The following SHISA9 variants were observed in gnomAD, a reference collection of about 807,000 sequenced individuals.
SHISA9 encodes shisa family member 9, also known as protein shisa-9.
In SHISA9, 13 loss-of-function variants were observed where a neutral mutation model predicts 38.0. The ratio of observed to expected loss-of-function variants is 0.34; its 90% CI spans 0.22 to 0.54. The LOEUF is 0.54. Ranked by LOEUF, SHISA9 falls within the 20% of genes least tolerant of loss-of-function variation. The pLI is 0.91. For missense variants in SHISA9, 538 were observed against 575.8 expected (o/e 0.93, Z 0.67); for synonymous variants, 275 against 242.0 (o/e 1.14, Z -1.27).
the SHISA9 span, among the ~76,000 whole-genome samples, chr16:13,359,965 G>A: frequency 1.3e-5 from 2 of 152,160 alleles, no homozygotes; most frequent in Non-Finnish European, 2.9e-5. Context: ...TTTCATCTGT[G>A]CATGCCCCAC....
chr16:12,951,478 A>G (rs1387555467), intron 2 of SHISA9, among the ~76,000 whole-genome samples: 2 of 152,098 alleles, frequency 1.3e-5, no homozygotes, highest in South Asian at 2.1e-4. Flanking sequence ...AATATATACA[A>G]ATAGGCATGG....
At chr16:12,912,032 G>C (rs1336009220) in intron 1 of SHISA9, among the ~76,000 whole-genome samples, 1 of 152,202 alleles carries the variant, frequency 6.6e-6, no homozygotes, top group Admixed American at 6.5e-5. Flanking sequence ...CGACGGGACT[G>C]CTGGTGGTCA....
At chr16:13,187,335 T>C (rs1240389195) in intron 2 of SHISA9, among the ~76,000 whole-genome samples, 10 of 105,980 alleles carry the variant, frequency 9.4e-5, no homozygotes, top group South Asian at 3.1e-4. Context: ...TTTCTTTTTT[T>C]TTTTTTTTTT....
chr16:13,234,611 G>A (rs891272808), intron 4 of SHISA9, among the ~76,000 whole-genome samples: 2 of 152,072 alleles, frequency 1.3e-5, no homozygotes, highest in African/African-American at 2.4e-5. Flanking sequence ...AGTTGTTATC[G>A]GCTGTCTTGA....
At chr16:13,430,921 G>GA in the SHISA9 span, among the ~76,000 whole-genome samples, 59,662 of 144,074 alleles carry the variant, frequency 0.41, 12,459 homozygotes, top group Middle Eastern at 0.44. Context: ...TCTGTTTCTA[G>GA]AAAAAAAAAA....
intron 2 of SHISA9, among the ~76,000 whole-genome samples, chr16:13,092,178 A>T (rs1293332058): frequency 6.6e-6 from 1 of 152,118 alleles, no homozygotes; most frequent in Non-Finnish European, 1.5e-5. Flanking sequence ...TTGCTGCCTG[A>T]TCCTTACTCT....
At position 13,235,079 on chromosome 16, in the gene SHISA9, G is replaced by A. The variant is rs895457967; in HGVS notation, c.945G>A (p.Glu315=). 2.6e-6 allele frequency: 4 copies of A among 1,551,428 alleles called. No homozygotes were observed. The African/African-American group carries it at 4.1e-5, about 16-fold the overall frequency. Residue 315 remains glutamate, a synonymous_variant, in exon 5 of 5, where the codon GAG becomes GAA. Coordinates refer to ENST00000558583, the MANE Select transcript of SHISA9 (RefSeq NM_001145204.3). ...ACACCAAGCGACGGCACCTGGCTGA[G>A]CTGGCTGCCAAGGGGAACTTACCTC... is the stretch of plus-strand genomic sequence containing the variant. ...DFYTKRRHLA[E]LAAKGNLPLH...
rs945052775 is a variant in SHISA9 at position 12,908,374 on chromosome 16, G to A, written c.563+5747G>A. Reference sequence around the variant, plus strand: ...GTGACTACGTTAAATACATTGCAAAGTGTTGGCCTAAGTGGTGTTGAAAAA... The same window carrying A: ...GTGACTACGTTAAATACATTGCAAAATGTTGGCCTAAGTGGTGTTGAAAAA... On this transcript the variant is annotated intron_variant, in intron 1 of 4. Coordinates refer to ENST00000558583, the MANE Select transcript of SHISA9 (RefSeq NM_001145204.3). The A allele has an allele frequency of 4.7e-6, 7 of 1,501,696 alleles. No individual in the cohort carries two copies. In the East Asian group the frequency reaches 7.4e-5, roughly 16 times the overall value. 93.0% of individuals were successfully genotyped at this position (1,501,696 alleles called of 1,614,324 possible).
At chr16:13,347,658 G>C in the SHISA9 span, among the ~76,000 whole-genome samples, 6 of 152,186 alleles carry the variant, frequency 3.9e-5, no homozygotes, top group African/African-American at 1.2e-4. Flanking sequence ...ATGTAATTTA[G>C]TTTTTAGGGG....
the SHISA9 span, among the ~76,000 whole-genome samples, chr16:13,469,413 GA>G: frequency 7.0e-5 from 8 of 113,590 alleles, no homozygotes; most frequent in Non-Finnish European, 1.5e-4. Context: ...AAGAAAGAAA[GA>G]AAGAAAGAAA....
chr16:13,204,783 CTAAG>C (rs920806203), intron 3 of SHISA9: 1 of 152,218 alleles, frequency 6.6e-6, no homozygotes, highest in Non-Finnish European at 1.5e-5. Context: ...AACTGAGACT[CTAAG>C]AGGCTAATAT....
intron 2 of SHISA9, among the ~76,000 whole-genome samples, chr16:13,121,294 A>T (rs2050207851): frequency 6.6e-6 from 1 of 152,112 alleles, no homozygotes; most frequent in African/African-American, 2.4e-5. Context: ...TTCGAGACCA[A>T]CCTGGGTAAC....
intron 2 of SHISA9, among the ~76,000 whole-genome samples, chr16:13,074,425 A>G (rs1257936129): frequency 6.6e-6 from 1 of 152,154 alleles, no homozygotes; most frequent in Admixed American, 6.5e-5. Flanking sequence ...CCCAAGGATC[A>G]GCCCAAGGAT....
At chr16:13,200,846 T>C (rs1677625100) in intron 2 of SHISA9, among the ~76,000 whole-genome samples, 1 of 135,646 alleles carries the variant, frequency 7.4e-6, no homozygotes, top group Admixed American at 7.3e-5. Flanking sequence ...ATAAAAATAC[T>C]GTCCCTAACC....
chr16:13,442,316 A>AT, the SHISA9 span, among the ~76,000 whole-genome samples: 60 of 150,892 alleles, frequency 4.0e-4, no homozygotes, highest in Admixed American at 1.4e-3. Flanking sequence ...CAAGGAAACA[A>AT]TTTTTTTTTT....
chr16:13,119,729 A>G (rs1312661343), intron 2 of SHISA9, among the ~76,000 whole-genome samples: 2 of 152,180 alleles, frequency 1.3e-5, no homozygotes, highest in African/African-American at 2.4e-5. Flanking sequence ...TCTTCCCCTA[A>G]TCAGAGCCCT....
chr16:13,268,072 T>G, the SHISA9 span, among the ~76,000 whole-genome samples: 1 of 152,094 alleles, frequency 6.6e-6, no homozygotes, highest in South Asian at 2.1e-4. Flanking sequence ...TTCTAGGACC[T>G]CATCCCTTAC....
Position 13,022,621 on chromosome 16 carries a change from C to T in SHISA9, c.691+105806C>T, listed in dbSNP as rs756242087. Among the ~76,000 whole-genome samples the T allele has an allele frequency of 8.5e-5, 13 of 152,090 alleles. No homozygotes were observed. In the South Asian group the frequency reaches 1.0e-3, roughly 12 times the overall value. On this transcript the variant is annotated intron_variant, in intron 2 of 4. Transcript: ENST00000558583. The stretch of plus-strand genomic sequence containing the variant: ...TGCTGGGATTACAGTTGTAAGCCAC[C>T]GCGCCCAGCCTTAATTTTATTTTTA...
rs529327262 is a variant in SHISA9 at position 13,228,921 on chromosome 16, G to A, written c.896-6109G>A. Among the ~76,000 whole-genome samples, 6 of 152,230 alleles carry A rather than the reference G, an allele frequency of 3.9e-5. No homozygotes were observed. The South Asian group carries it at 6.2e-4, about 16-fold the overall frequency. The stretch of plus-strand genomic sequence containing the variant: ...CACACCTGTAATCCTAGCCCTTCGG[G>A]AGGCCAAGGTGGGTGGATCACTTCA... On this transcript the variant is annotated intron_variant, in intron 4 of 4. Coordinates refer to ENST00000558583, the MANE Select transcript of SHISA9 (RefSeq NM_001145204.3).
Sources: gnomAD v4.1 joint callset for allele counts (sites outside exome capture counted in the v4.1 genomes callset) on GRCh38, gnomAD v4.1.1 for gene constraint, MANE v1.5 for transcripts, NCBI Gene and HGNC (gene_info 2026-07-23, HGNC 2026-07-21) for gene names.